STX6: variants seen among roughly 807,000 people sequenced by gnomAD.
STX6 encodes the protein syntaxin-6.
A neutral mutation model predicts 38.0 loss-of-function variants in STX6; 23 were observed. The ratio of observed to expected loss-of-function variants is 0.60; its 90% CI spans 0.43 to 0.86. The LOEUF is 0.86. Ranked by LOEUF, STX6 falls within the 40% of genes least tolerant of loss-of-function variation. STX6 has a pLI of 0.00. For synonymous variants in STX6, 123 were observed against 107.5 expected, an observed-to-expected ratio of 1.14 and a Z score of -0.89; for missense variants, 274 against 312.9, an observed-to-expected ratio of 0.88 and a Z score of 0.94.
At chr1:180,991,985 G>A (rs71516924) in intron 4 of STX6, among the ~76,000 whole-genome samples, 105,640 of 148,330 alleles carry the variant, frequency 0.71, 37,827 homozygotes, top group African/African-American at 0.76. Flanking sequence ...TTTTATTTAC[G>A]TTAGCCCAAC....
At chr1:181,005,541 A>G (rs1656200170) in intron 1 of STX6, 78 bp from the exon 2 acceptor site, 6 of 1,404,354 alleles carry the variant, frequency 4.3e-6, no homozygotes, top group South Asian at 1.3e-5. Context: ...TTAGGTTAAC[A>G]TTTATGATCA....
intron 1 of STX6, among the ~76,000 whole-genome samples, chr1:181,015,900 T>C (rs1467053717): frequency 6.6e-6 from 1 of 152,156 alleles, no homozygotes; most frequent in Non-Finnish European, 1.5e-5. Flanking sequence ...ACCTCATGAT[T>C]CGCCTGCCTT....
rs905032832 is a variant in STX6 at position 180,990,043 on chromosome 1, C to G, written c.430G>C (p.Asp144His). 2.9e-5 allele frequency: 46 copies of G among 1,614,004 alleles called. No individual in the cohort carries two copies. Among genetic ancestry groups the G allele is most frequent in the Non-Finnish European group, 3.5e-5 (41 of 1,180,036 alleles). The part of the protein sequence containing the change: ...TGTTDKYGRL[D>H]RELQRANSHF... ...GAATTGGCTCTCTGGAGCTCTCGGT[C>G]CAGACGCCCATATTTATCTGTTGTT... The change falls in exon 5 of 8, where the codon GAC becomes CAC. Residue 144 changes from aspartate to histidine, a missense_variant. Coordinates refer to ENST00000258301, the MANE Select transcript of STX6 (RefSeq NM_005819.6).
chr1:181,011,384 T>C (rs1183981719), intron 1 of STX6, among the ~76,000 whole-genome samples: 2 of 152,178 alleles, frequency 1.3e-5, no homozygotes, highest in Non-Finnish European at 2.9e-5. Context: ...ATCATTTCAG[T>C]GTTAGCCTGA....
At position 180,988,070 on chromosome 1, in the gene STX6, G is replaced by C. The variant is rs1571331221; in HGVS notation, c.596+169C>G. ...AGCCTGTAGTAAAATTTACGAAGTA[G>C]AATTGCTTCTTTTGGGGAGGCTAAT... On this transcript the variant is annotated intron_variant, in intron 6 of 7. Transcript: ENST00000258301. The C allele has an allele frequency of 5.9e-6, 3 of 510,240 alleles. No individual in the cohort carries two copies. In the East Asian group the frequency reaches 1.0e-4, roughly 18 times the overall value. 31.6% of individuals were successfully genotyped at this position (510,240 alleles called of 1,614,324 possible).
chr1:180,976,168 T>G lies in STX6; in HGVS notation c.*402A>C, dbSNP rs1277810379. On this transcript the variant is annotated 3_prime_UTR_variant, in exon 8 of 8. Coordinates refer to ENST00000258301, the MANE Select transcript of STX6 (RefSeq NM_005819.6). ...TTCTTTAGATGGGACAGCGGTGCACTGTCTGAGCACGGGGAAGGGTCTGAG... is the reference window on the plus strand; with the variant it reads ...TTCTTTAGATGGGACAGCGGTGCACGGTCTGAGCACGGGGAAGGGTCTGAG... 5.2e-5 allele frequency: 10 copies of G among 190,644 alleles called. No individual in the cohort carries two copies. The allele number at this position is 190,644 out of a possible 1,614,324, so 11.8% of individuals were successfully genotyped here.
intron 1 of STX6, among the ~76,000 whole-genome samples, chr1:181,012,003 A>G (rs1656415482): frequency 6.6e-6 from 1 of 152,140 alleles, no homozygotes; most frequent in South Asian, 2.1e-4. Context: ...TGATTTAGCT[A>G]TTTTTTTCCT....
intron 1 of STX6, among the ~76,000 whole-genome samples, chr1:181,017,281 T>C (rs1656588704): frequency 6.7e-6 from 1 of 149,832 alleles, no homozygotes; most frequent in Non-Finnish European, 1.5e-5. Flanking sequence ...TAGTCCCAGC[T>C]ACTCAGGAGG....
intron 1 of STX6, among the ~76,000 whole-genome samples, chr1:181,009,322 A>G (rs1656327627): frequency 6.6e-6 from 1 of 152,116 alleles, no homozygotes; most frequent in African/African-American, 2.4e-5. Flanking sequence ...CAAAAAAATT[A>G]GCCGGGCATG....
At chr1:181,013,993 G>A (rs1405435160) in intron 1 of STX6, among the ~76,000 whole-genome samples, 1 of 152,176 alleles carries the variant, frequency 6.6e-6, no homozygotes, top group Admixed American at 6.5e-5. Flanking sequence ...GTCAAGCAGC[G>A]TCACTTCTGC....
chr1:180,990,739 C>T (rs1476945065), intron 4 of STX6, among the ~76,000 whole-genome samples: 1 of 152,160 alleles, frequency 6.6e-6, no homozygotes, highest in Non-Finnish European at 1.5e-5. Flanking sequence ...GAATGCCTGA[C>T]CCTGGCAACC....
intron 3 of STX6, among the ~76,000 whole-genome samples, chr1:180,995,551 T>C (rs1229004688): frequency 6.6e-6 from 1 of 152,210 alleles, no homozygotes; most frequent in Non-Finnish European, 1.5e-5. Context: ...AGGGGGATAA[T>C]ACATGCCTTT....
At chr1:181,006,609 T>G (rs1488248384) in intron 1 of STX6, among the ~76,000 whole-genome samples, 1 of 152,118 alleles carries the variant, frequency 6.6e-6, no homozygotes, top group East Asian at 1.9e-4. Flanking sequence ...CTATAAGAAC[T>G]GTTTTGATCC....
At chr1:181,000,871 A>C in intron 3 of STX6, among the ~76,000 whole-genome samples, 1 of 144,318 alleles carries the variant, frequency 6.9e-6, no homozygotes, top group Admixed American at 7.0e-5. Context: ...AAAACCTACT[A>C]CTACAAAAAA....
intron 3 of STX6, among the ~76,000 whole-genome samples, chr1:180,994,096 T>G (rs1418972078): frequency 6.6e-6 from 1 of 152,232 alleles, no homozygotes; most frequent in African/African-American, 2.4e-5. Context: ...ATAGATCCAT[T>G]ACTTTATCTG....
intron 7 of STX6, chr1:180,980,675 C>T (rs1411126707): frequency 1.3e-5 from 2 of 150,830 alleles, no homozygotes; most frequent in African/African-American, 4.9e-5. Flanking sequence ...CTGCCTCAGC[C>T]TCCCAAGTAG....
chr1:181,014,946 A>T (rs1656513721), intron 1 of STX6, among the ~76,000 whole-genome samples: 1 of 152,180 alleles, frequency 6.6e-6, no homozygotes, highest in Admixed American at 6.5e-5. Flanking sequence ...AACTCCACCA[A>T]TGACACTGCA....
chr1:181,020,051 C>T (rs1353743062), intron 1 of STX6, among the ~76,000 whole-genome samples: 1 of 151,890 alleles, frequency 6.6e-6, no homozygotes, highest in African/African-American at 2.4e-5. Flanking sequence ...GCCCATAGTC[C>T]TAAAAATACA....
rs1656787896 is a variant in STX6, at chr1:181,022,852, C to G, written c.-179G>C. 1 of 597,226 alleles carries G rather than the reference C, an allele frequency of 1.7e-6. No homozygotes were observed. Among genetic ancestry groups the G allele is most frequent in the Non-Finnish European group, 2.9e-6 (1 of 346,024 alleles). 37.0% of individuals were successfully genotyped at this position (597,226 alleles called of 1,614,324 possible). On this transcript the variant is annotated 5_prime_UTR_variant, in exon 1 of 8. Coordinates refer to ENST00000258301, the MANE Select transcript of STX6 (RefSeq NM_005819.6). ...GACGGCCGCTGGTCCAGCACTCGCT[C>G]AGCACCACTGGCCGAATCCCGGACT...
Sources: gnomAD v4.1 joint callset for allele counts (sites outside exome capture counted in the v4.1 genomes callset) on GRCh38, gnomAD v4.1.1 for gene constraint, MANE v1.5 for transcripts, NCBI Gene and HGNC (gene_info 2026-07-23, HGNC 2026-07-21) for gene names.